The following CERS3 variants were observed in gnomAD, a reference collection of about 807,000 sequenced individuals.
CERS3 encodes LAG1 homolog, ceramide synthase 3.
CERS3 carries 33 observed loss-of-function variants against 50.3 expected under a neutral mutation model. The observed-to-expected ratio is 0.66, with a 90% confidence interval of 0.50 to 0.88. The LOEUF (loss-of-function observed/expected upper bound fraction) is 0.88. CERS3 is among the 40% of genes least tolerant of loss of function. The pLI, the probability that CERS3 is intolerant of heterozygous loss-of-function variation, is 0.00. For synonymous variants in CERS3, 176 were observed against 155.2 expected (o/e 1.13, Z -0.99); for missense variants, 470 against 460.3 (o/e 1.02, Z -0.19).
In CERS3 at chr15:100,490,809, G is replaced by GT. The variant is rs773895883; in HGVS notation, c.288+7dup. 1 of 1,531,028 alleles carries GT rather than the reference G, an allele frequency of 6.5e-7. No individual in the cohort carries two copies. The highest frequency in any genetic ancestry group is 1.7e-4 in the Middle Eastern group (1 of 5,908). The allele number at this position is 1,531,028 out of a possible 1,614,324, so 94.8% of individuals were successfully genotyped here. A position where few individuals can be genotyped will look rare whatever the true frequency, so the allele number is the denominator to read the frequency against. ...TTTTAAGTCGAAAAGCAAAGAATTTGTACTTACTTGCAATGGTTGCCTTGT... is the reference window on the plus strand; with the variant it reads ...TTTTAAGTCGAAAAGCAAAGAATTTGTTACTTACTTGCAATGGTTGCCTTGT... On this transcript the variant is annotated splice_region_variant and intron_variant, in intron 4 of 11. Coordinates refer to ENST00000679737, the MANE Select transcript of CERS3 (RefSeq NM_001378789.1).
chr15:100,410,946 T>C (rs1224328046), intron 11 of CERS3, among the ~76,000 whole-genome samples: 1 of 152,180 alleles, frequency 6.6e-6, no homozygotes, highest in Non-Finnish European at 1.5e-5. Context: ...AGAAATTCTG[T>C]ACCCATTAAC....
rs2034850422 is a variant in CERS3 at position 100,468,326 on chromosome 15, G to A, written c.845+1052C>T. On this transcript the variant is annotated intron_variant, in intron 10 of 11. Coordinates refer to ENST00000679737, the MANE Select transcript of CERS3 (RefSeq NM_001378789.1). The stretch of plus-strand genomic sequence containing the variant: ...GGTATAACCTGTTCAAGATCACAAA[G>A]GTCGTAAGTGTGGAGTCAGGATTTA... Among the ~76,000 whole-genome samples the A allele has an allele frequency of 2.6e-5, 4 of 152,146 alleles. No homozygotes were observed. In the South Asian group the frequency reaches 8.3e-4, roughly 31 times the overall value.
At chr15:100,440,700 G>A (rs959543226) in intron 11 of CERS3, among the ~76,000 whole-genome samples, 8 of 152,148 alleles carry the variant, frequency 5.3e-5, no homozygotes, top group East Asian at 1.9e-4. Context: ...ATCCACCTAC[G>A]ACCTCAGGTC....
chr15:100,426,758 C>A (rs1452426241), intron 11 of CERS3, among the ~76,000 whole-genome samples: 2 of 152,200 alleles, frequency 1.3e-5, no homozygotes, highest in Non-Finnish European at 2.9e-5. Context: ...TAGAAAATCC[C>A]TCAGCTGTCT....
chr15:100,519,333 T>A (rs6598352), intron 2 of CERS3, among the ~76,000 whole-genome samples: 1 of 151,850 alleles, frequency 6.6e-6, no homozygotes, highest in South Asian at 2.1e-4. Flanking sequence ...GCAGCAGCTC[T>A]GGGTGCTGTG....
chr15:100,530,848 C>T (rs961811105), upstream of CERS3, among the ~76,000 whole-genome samples: 1 of 152,058 alleles, frequency 6.6e-6, no homozygotes, highest in African/African-American at 2.4e-5. Context: ...TTTGGGAGGC[C>T]GAGGTGGGAG....
At chr15:100,423,313 G>T (rs187647073) in intron 11 of CERS3, among the ~76,000 whole-genome samples, 4 of 152,206 alleles carry the variant, frequency 2.6e-5, no homozygotes, top group Non-Finnish European at 5.9e-5. Context: ...AAAGACATAT[G>T]CACTCATATG....
chr15:100,490,423 A>G (rs1380734095), intron 4 of CERS3, among the ~76,000 whole-genome samples: 1 of 152,144 alleles, frequency 6.6e-6, no homozygotes, highest in Non-Finnish European at 1.5e-5. Context: ...TGTGTAATGT[A>G]TTTTGATGAT....
intron 8 of CERS3, 55 bp downstream of exon 8, chr15:100,476,031 G>T: frequency 8.3e-7 from 1 of 1,204,032 alleles, no homozygotes; most frequent in Non-Finnish European, 1.2e-6. Context: ...TTGGGGCAGG[G>T]AGATGGCAAT....
intron 1 of CERS3, among the ~76,000 whole-genome samples, chr15:100,543,726 C>A (rs376178617): frequency 6.6e-6 from 1 of 152,034 alleles, no homozygotes; most frequent in Non-Finnish European, 1.5e-5. Flanking sequence ...GACGGGGTTT[C>A]ACCATGTTGG....
Position 100,432,853 on chromosome 15 carries a change from C to T in CERS3, c.999+23040G>A, listed in dbSNP as rs1227853079. 5.9e-5 allele frequency among the ~76,000 whole-genome samples: 9 copies of T among 152,166 alleles called. No homozygotes were observed. The East Asian group carries it at 1.7e-3, about 29-fold the overall frequency. ...TTGATGACTGGTATCTGAGGGGCTA[C>T]CATCTGGTTCTGTGCTGCTCTGCGG... On this transcript the variant is annotated intron_variant, in intron 11 of 11. Transcript: ENST00000679737.
At chr15:100,499,279 A>T (rs1449332789) in intron 3 of CERS3, among the ~76,000 whole-genome samples, 2 of 152,178 alleles carry the variant, frequency 1.3e-5, no homozygotes. Context: ...TTTAAATCAC[A>T]CTTCAGACAC....
chr15:100,482,109 G>A (rs2035321370), intron 5 of CERS3, among the ~76,000 whole-genome samples: 1 of 152,190 alleles, frequency 6.6e-6, no homozygotes, highest in Admixed American at 6.5e-5. Flanking sequence ...AAGGGGTCTT[G>A]ACACCAAAAA....
At chr15:100,416,468 G>A (rs532680266) in intron 11 of CERS3, among the ~76,000 whole-genome samples, 16 of 152,266 alleles carry the variant, frequency 1.1e-4, no homozygotes, top group Non-Finnish European at 2.1e-4. Context: ...GTATTAGTCC[G>A]TTTTCACACT....
chr15:100,455,899 G>A lies in CERS3; in HGVS notation c.993C>T (p.Phe331=), dbSNP rs1267742129. The change falls in exon 11 of 12, where the codon TTC becomes TTT. Residue 331 remains phenylalanine, a synonymous_variant. Transcript: ENST00000679737. ...ATATTTGGACAGCCCTTACCTTCAT[G>A]AATATACATCTGTTGAGCATCTTCA... ...YILKMLNRCI[F]MKSIQDVRSD... is the part of the protein sequence containing the mutation. The A allele has an allele frequency of 1.6e-5, 26 of 1,606,986 alleles. No homozygotes were observed. The highest frequency in any genetic ancestry group is 2.2e-5 in the East Asian group (1 of 44,564).
intron 11 of CERS3, among the ~76,000 whole-genome samples, chr15:100,421,699 G>C (rs1047213392): frequency 1.3e-5 from 2 of 149,960 alleles, no homozygotes; most frequent in Non-Finnish European, 3.0e-5. Context: ...CAAGGCTACA[G>C]TAACCAAAAC....
chr15:100,428,551 A>C (rs1432824827), intron 11 of CERS3, among the ~76,000 whole-genome samples: 2 of 152,248 alleles, frequency 1.3e-5, no homozygotes, highest in Non-Finnish European at 2.9e-5. Context: ...TCTGTATCAT[A>C]CTAGTGGCAC....
At chr15:100,443,881 C>G (rs1032432122) in intron 11 of CERS3, among the ~76,000 whole-genome samples, 1 of 152,160 alleles carries the variant, frequency 6.6e-6, no homozygotes, top group Non-Finnish European at 1.5e-5. Context: ...CCTAAAAAAA[C>G]CATTCTATAA....
intron 4 of CERS3, among the ~76,000 whole-genome samples, chr15:100,486,377 AGCACC>A (rs2035483198): frequency 1.3e-5 from 2 of 152,226 alleles, no homozygotes; most frequent in African/African-American, 4.8e-5. Flanking sequence ...TGTAGGCGTA[AGCACC>A]GCACTTTGAC....
Sources: allele counts gnomAD v4.1 joint callset (sites outside exome capture counted in the v4.1 genomes callset), GRCh38; gene constraint gnomAD v4.1.1; transcripts MANE v1.5; gene names NCBI Gene and HGNC (gene_info 2026-07-23, HGNC 2026-07-21).